Variants in ANK3 observed in about 807,000 individuals in gnomAD.
ANK3 encodes the protein ankyrin-3.
In ANK3, 57 loss-of-function variants were observed where a neutral mutation model predicts 370.9. That is an observed-to-expected ratio of 0.15 (90% confidence interval 0.12 to 0.19). The LOEUF is 0.19. Ranked by LOEUF, ANK3 falls within the 10% of genes least tolerant of loss-of-function variation. The pLI is 1.00. For synonymous variants in ANK3, 1,929 were observed against 1,946.3 expected, an observed-to-expected ratio of 0.99 and a Z score of 0.23; for missense variants, 4,439 against 5,302.1, an observed-to-expected ratio of 0.84 and a Z score of 5.06.
At chr10:60,568,805 G>A (rs2077522043) in intron 2 of ANK3, among the ~76,000 whole-genome samples, 1 of 151,996 alleles carries the variant, frequency 6.6e-6, no homozygotes, top group Admixed American at 6.6e-5. Flanking sequence ...GGTTAAATAA[G>A]GTAATAAGGA....
At chr10:60,471,498 C>T (rs1198549557) in intron 2 of ANK3, among the ~76,000 whole-genome samples, 1 of 152,020 alleles carries the variant, frequency 6.6e-6, no homozygotes, top group Non-Finnish European at 1.5e-5. Context: ...CATGGATGTA[C>T]CAACAGTCAT....
intron 8 of ANK3, among the ~76,000 whole-genome samples, chr10:60,232,832 C>G (rs1428503271): frequency 6.6e-6 from 1 of 152,076 alleles, no homozygotes; most frequent in Admixed American, 6.5e-5. Flanking sequence ...ACAGTAGACA[C>G]TCGACGATCA....
intron 17 of ANK3, among the ~76,000 whole-genome samples, chr10:60,186,275 T>C (rs1042765027): frequency 3.3e-5 from 5 of 152,120 alleles, no homozygotes; most frequent in African/African-American, 9.7e-5. Flanking sequence ...TATGTGTACA[T>C]AGAGCCACTT....
intron 12 of ANK3, 76 bp from the exon 13 acceptor site, chr10:60,200,303 T>C (rs557892274): frequency 5.2e-6 from 6 of 1,163,516 alleles, no homozygotes; most frequent in East Asian, 4.8e-5. Context: ...ATAAAGCTTA[T>C]GATGGACTTT....
chr10:60,204,788 G>A (rs7923097), intron 11 of ANK3, among the ~76,000 whole-genome samples: 26,127 of 151,946 alleles, frequency 0.17, 2,339 homozygotes, highest in African/African-American at 0.19. Context: ...TCAGAGAGCT[G>A]GATAAGGGCT....
intron 1 of ANK3, among the ~76,000 whole-genome samples, chr10:60,382,835 TTTTA>T (rs2061732346): frequency 7.6e-6 from 1 of 131,872 alleles, no homozygotes; most frequent in Non-Finnish European, 1.7e-5. Context: ...ATGCCAATGC[TTTTA>T]TTGTTTTTTC....
At chr10:60,179,590 G>A (rs2096084020) in intron 18 of ANK3, among the ~76,000 whole-genome samples, 1 of 152,084 alleles carries the variant, frequency 6.6e-6, no homozygotes, top group Non-Finnish European at 1.5e-5. Flanking sequence ...AGCTACTCAG[G>A]AGGCTGAGGT....
At chr10:60,500,944 G>A (rs2075780191) in intron 2 of ANK3, among the ~76,000 whole-genome samples, 1 of 152,082 alleles carries the variant, frequency 6.6e-6, no homozygotes, top group Non-Finnish European at 1.5e-5. Context: ...CATTTGCAAA[G>A]TGCTATCTAC....
chr10:60,213,570 TA>T, intron 8 of ANK3, 60 bp from the exon 9 acceptor site: 1 of 1,146,864 alleles, frequency 8.7e-7, no homozygotes, highest in Non-Finnish European at 1.2e-6. Context: ...GAGTGCAGTG[TA>T]CTTCTTCAAG....
At chr10:60,669,326 G>T (rs548885927) in intron 1 of ANK3, among the ~76,000 whole-genome samples, 1 of 152,308 alleles carries the variant, frequency 6.6e-6, no homozygotes, top group African/African-American at 2.4e-5. Flanking sequence ...ATTCTAGCTG[G>T]CAGCCACTTA....
intron 1 of ANK3, among the ~76,000 whole-genome samples, chr10:60,663,692 C>T (rs1249814231): frequency 6.6e-6 from 1 of 152,162 alleles, no homozygotes; most frequent in Non-Finnish European, 1.5e-5. Context: ...TATGTAAAGG[C>T]ACTTTGAAAC....
At chr10:60,346,078 G>A (rs2055401428) in intron 1 of ANK3, among the ~76,000 whole-genome samples, 1 of 151,920 alleles carries the variant, frequency 6.6e-6, no homozygotes, top group Non-Finnish European at 1.5e-5. Flanking sequence ...AAACAATGAA[G>A]CTAAGTTCCT....
At chr10:60,516,814 T>C (rs1449457388) in intron 2 of ANK3, among the ~76,000 whole-genome samples, 3 of 152,098 alleles carry the variant, frequency 2.0e-5, no homozygotes, top group Non-Finnish European at 2.9e-5. Context: ...ACTCCAAATA[T>C]GTAGGTTTAG....
chr10:60,389,994 C>T, upstream of ANK3: 1 of 290,860 alleles, frequency 3.4e-6, no homozygotes, highest in Admixed American at 6.5e-5. Context: ...TTTTAGAATC[C>T]TTTGAAAAAA....
intron 23 of ANK3, chr10:60,140,664 C>T: frequency 7.6e-7 from 1 of 1,316,994 alleles, no homozygotes; most frequent in East Asian, 3.1e-5. Flanking sequence ...TCGCAGACAT[C>T]CTTTTAAAGC....
At position 60,083,588 on chromosome 10, in the gene ANK3, A is replaced by G. The variant is rs1343749786; in HGVS notation, c.4104T>C (p.Asp1368=). 6.2e-7 allele frequency: 1 copy of G among 1,609,246 alleles called. No individual in the cohort carries two copies. Among genetic ancestry groups the G allele is most frequent in the Non-Finnish European group, 8.5e-7 (1 of 1,177,242 alleles). The part of the protein sequence containing the change: ...EVLEGKPIYV[D]CYGNLAPLTK... Reference sequence around the variant, plus strand: ...TAAGTGGGGCCAAATTTCCATAACAATCAACATAAATAGGTTTTCCTTCCA... The same window carrying G: ...TAAGTGGGGCCAAATTTCCATAACAGTCAACATAAATAGGTTTTCCTTCCA... The change falls in exon 33 of 44, where the codon GAT becomes GAC. Residue 1368 remains aspartate (D), a synonymous_variant. Coordinates refer to ENST00000280772, the MANE Select transcript of ANK3 (RefSeq NM_020987.5).
intron 42 of ANK3, among the ~76,000 whole-genome samples, chr10:60,046,679 ACAG>A (rs141889224): frequency 0.014 from 2,078 of 152,310 alleles, 22 homozygotes; most frequent in Middle Eastern, 0.031. Context: ...GATAGGAAAG[ACAG>A]CAGGGAGTCA....
rs2096709615 is a variant in ANK3 at position 60,203,087 on chromosome 10, G to A, written c.1307C>T (p.Pro436Leu). Residue 436 changes from proline (P) to leucine (L), a missense_variant, in exon 12 of 44, where the codon CCA (proline) becomes CTA (leucine). Pro to Leu is a moderately conservative substitution (Grantham distance 98). Transcript: ENST00000280772. ...IQAVTESGLT[P>L]IHVAAFMGHV... is the part of the protein sequence containing the mutation. ...CCCCATGAAGGCAGCAACATGGATTGGGGTAAGGCCCGACTAAGGGGAAAA... is the reference window on the plus strand; with the variant it reads ...CCCCATGAAGGCAGCAACATGGATTAGGGTAAGGCCCGACTAAGGGGAAAA... 2 of 1,613,350 alleles carry A rather than the reference G, an allele frequency of 1.2e-6. No homozygotes were observed. The highest frequency in any genetic ancestry group is 1.7e-6 in the Non-Finnish European group (2 of 1,179,558).
At chr10:60,268,232 A>G (rs1012438958) in intron 5 of ANK3, among the ~76,000 whole-genome samples, 23 of 152,226 alleles carry the variant, frequency 1.5e-4, no homozygotes, top group African/African-American at 5.3e-4. Flanking sequence ...TAAGAATACT[A>G]TTACAAAAAT....
Sources: allele counts gnomAD v4.1 joint callset (sites outside exome capture counted in the v4.1 genomes callset), GRCh38; gene constraint gnomAD v4.1.1; transcripts MANE v1.5; gene names NCBI Gene and HGNC (gene_info 2026-07-23, HGNC 2026-07-21).